The following CCDC146 variants were observed in gnomAD, a reference collection of about 807,000 sequenced individuals.
CCDC146 encodes the protein coiled-coil domain containing 146.
In CCDC146, 92 loss-of-function variants were observed where a neutral mutation model predicts 119.3. That is an observed-to-expected ratio of 0.77 (90% CI 0.65 to 0.92). CCDC146 has a LOEUF of 0.92. Ranked by LOEUF, CCDC146 falls within the 40% of genes least tolerant of loss-of-function variation. CCDC146 has a pLI of 0.00. For synonymous variants in CCDC146, 372 were observed against 371.8 expected (o/e 1.00, Z -0.01); for missense variants, 1,000 against 1,103.0 (o/e 0.91, Z 1.32).
chr7:77,224,532 C>T (rs1486531331), intron 2 of CCDC146, among the ~76,000 whole-genome samples: 1 of 152,190 alleles, frequency 6.6e-6, no homozygotes, highest in African/African-American at 2.4e-5. Flanking sequence ...TCTCTTTTGT[C>T]ATGTGAAGAA....
chr7:77,210,069 T>A (rs1210519595), intron 2 of CCDC146, among the ~76,000 whole-genome samples: 1 of 152,222 alleles, frequency 6.6e-6, no homozygotes, highest in Non-Finnish European at 1.5e-5. Context: ...CTTATGCAAA[T>A]TCTCACAGCT....
chr7:77,198,392 G>A (rs1263329617), intron 2 of CCDC146: 3 of 871,644 alleles, frequency 3.4e-6, no homozygotes, highest in Non-Finnish European at 4.1e-6. Flanking sequence ...CAGTGACTCA[G>A]GTGAAAAGCC....
chr7:77,276,120 C>T (rs1313882052), intron 11 of CCDC146, among the ~76,000 whole-genome samples: 1 of 146,880 alleles, frequency 6.8e-6, no homozygotes, highest in Non-Finnish European at 1.5e-5. Context: ...GCAGGAGAAT[C>T]GTTTGAACCT....
intron 9 of CCDC146, among the ~76,000 whole-genome samples, chr7:77,266,002 T>C (rs929856031): frequency 6.6e-6 from 1 of 152,214 alleles, no homozygotes; most frequent in East Asian, 1.9e-4. Flanking sequence ...CATACTGTCA[T>C]GTAATATCAC....
At chr7:77,223,406 C>T (rs1792443331) in intron 2 of CCDC146, among the ~76,000 whole-genome samples, 1 of 152,162 alleles carries the variant, frequency 6.6e-6, no homozygotes, top group Admixed American at 6.5e-5. Flanking sequence ...CTTGGGAGGC[C>T]CCGTTTGCCC....
At chr7:77,244,786 C>T (rs931186853) in intron 4 of CCDC146, among the ~76,000 whole-genome samples, 7 of 112,438 alleles carry the variant, frequency 6.2e-5, no homozygotes, top group Non-Finnish European at 1.8e-5. Flanking sequence ...ATTCCCTCCA[C>T]ACCCTCCCAC....
intron 1 of CCDC146, among the ~76,000 whole-genome samples, chr7:77,146,717 T>C (rs1791026295): frequency 6.6e-6 from 1 of 152,194 alleles, no homozygotes; most frequent in South Asian, 2.1e-4. Flanking sequence ...TAATTTTCTT[T>C]AAGAATGTTG....
rs143220108 is a variant in CCDC146, at chr7:77,293,109, G to A, written c.2573G>A (p.Gly858Asp). The change falls in exon 18 of 19, where the codon GGT (glycine) becomes GAT (aspartate). Residue 858 changes from glycine to aspartate, a missense_variant. By Grantham distance (94) the Gly-to-Asp change is moderately conservative. Around this residue, in one of 2 missense-constraint regions of CCDC146, gnomAD observed 985 missense variants for 1,045.3 expected, o/e 0.94. Coordinates refer to ENST00000285871, the MANE Select transcript of CCDC146 (RefSeq NM_020879.3). ...ACTTGCAATTCCAGGATAGAAAAAG[G>A]TCTGCCACTCAATAAGGAAATTGAG... ...IFTCNSRIEK[G>D]LPLNKEIEKE... is the part of the protein sequence containing the mutation. The A allele has an allele frequency of 1.2e-4, 195 of 1,614,052 alleles. 1 individual carries two copies. The highest frequency in any genetic ancestry group is 1.6e-4 in the Middle Eastern group (1 of 6,084).
Position 77,287,549 on chromosome 7 carries a change from A to G in CCDC146, c.2387A>G (p.Lys796Arg). ...DRLCSKTQGC[K>R]QDTLLLAKKM... is the part of the protein sequence containing the mutation. ...CTCTGCAGCAAAACTCAGGGCTGCA[A>G]GCAGGACACACTGCTCTTAGCCAAG... Residue 796 changes from lysine to arginine, a missense_variant, in exon 17 of 19, where the codon AAG becomes AGG. Transcript: ENST00000285871. 5.6e-6 allele frequency: 9 copies of G among 1,613,880 alleles called. No homozygotes were observed. The highest frequency in any genetic ancestry group is 7.6e-6 in the Non-Finnish European group (9 of 1,180,004).
At chr7:77,214,944 T>C (rs1792268453) in intron 2 of CCDC146, among the ~76,000 whole-genome samples, 1 of 152,122 alleles carries the variant, frequency 6.6e-6, no homozygotes, top group Admixed American at 6.6e-5. Flanking sequence ...TTACCTGCTA[T>C]TAATAATACT....
At chr7:77,201,670 A>G (rs1246110136) in intron 2 of CCDC146, among the ~76,000 whole-genome samples, 2 of 152,160 alleles carry the variant, frequency 1.3e-5, no homozygotes, top group Non-Finnish European at 2.9e-5. Context: ...CATGTTCTAC[A>G]CACCTTATGA....
intron 2 of CCDC146, among the ~76,000 whole-genome samples, chr7:77,225,783 A>G (rs1275574882): frequency 1.3e-5 from 2 of 152,042 alleles, no homozygotes; most frequent in Non-Finnish European, 2.9e-5. Flanking sequence ...TCTCTACTAA[A>G]TATACAAAAA....
chr7:77,210,272 G>A (rs1340495730), intron 2 of CCDC146, among the ~76,000 whole-genome samples: 3 of 152,198 alleles, frequency 2.0e-5, no homozygotes, highest in East Asian at 3.8e-4. Context: ...CTGCTTAGAA[G>A]TTTCTTCCAC....
chr7:77,217,358 A>C lies in CCDC146; in HGVS notation c.157-19589A>C, dbSNP rs563371482. ...CACACACACACACACACATATGTAT[A>C]TATATGTGTGTATGTATATGCACAT... On this transcript the variant is annotated intron_variant, in intron 2 of 18. Coordinates refer to ENST00000285871, the MANE Select transcript of CCDC146 (RefSeq NM_020879.3). 2.6e-5 allele frequency among the ~76,000 whole-genome samples: 4 copies of C among 151,986 alleles called. No homozygotes were observed. In the East Asian group the frequency reaches 7.7e-4, roughly 29 times the overall value.
At chr7:77,290,616 G>A (rs1382311517) in intron 17 of CCDC146, among the ~76,000 whole-genome samples, 1 of 152,194 alleles carries the variant, frequency 6.6e-6, no homozygotes, top group Non-Finnish European at 1.5e-5. Flanking sequence ...GTCTGTTAGT[G>A]GAAGTTGTCA....
chr7:77,139,247 G>A (rs906404326), intron 1 of CCDC146, among the ~76,000 whole-genome samples: 3 of 152,198 alleles, frequency 2.0e-5, no homozygotes, highest in African/African-American at 7.2e-5. Flanking sequence ...CTAAGTGAAA[G>A]AAACCCATCT....
At chr7:77,199,269 G>A (rs1791934223) in intron 2 of CCDC146, 1 of 1,614,000 alleles carries the variant, frequency 6.2e-7, no homozygotes, top group Non-Finnish European at 8.5e-7. Context: ...TTGCCACTTT[G>A]CTGTCAACAT....
intron 1 of CCDC146, among the ~76,000 whole-genome samples, chr7:77,161,379 AACC>A (rs898451564): frequency 6.6e-6 from 1 of 151,866 alleles, no homozygotes; most frequent in African/African-American, 2.4e-5. Context: ...AAAGACTTGG[AACC>A]AACCCAAATG....
intron 1 of CCDC146, among the ~76,000 whole-genome samples, chr7:77,124,200 T>A (rs573964883): frequency 3.3e-5 from 5 of 152,342 alleles, no homozygotes; most frequent in Admixed American, 1.3e-4. Flanking sequence ...TGCATAATCA[T>A]TATTTTACTT....
Sources: allele counts gnomAD v4.1 joint callset (sites outside exome capture counted in the v4.1 genomes callset), GRCh38; gene constraint gnomAD v4.1.1; regional missense constraint gnomAD v4.1.1; transcripts MANE v1.5; gene names NCBI Gene and HGNC (gene_info 2026-07-23, HGNC 2026-07-21).